The following PTPRM variants were observed in gnomAD, a reference collection of about 807,000 sequenced individuals.
PTPRM encodes receptor-type tyrosine-protein phosphatase mu.
In PTPRM, 47 loss-of-function variants were observed where a neutral mutation model predicts 186.7. The ratio of observed to expected loss-of-function variants is 0.25; its 90% confidence interval spans 0.20 to 0.32. The LOEUF is 0.32. PTPRM is among the 10% of genes least tolerant of loss of function. The probability of loss-of-function intolerance (pLI) is 1.00; values close to 1 mark genes in which losing one functional copy is unlikely to be tolerated. For missense variants in PTPRM, 1,494 were observed against 1,865.0 expected (o/e 0.80, Z 3.66); for synonymous variants, 668 against 674.9 (o/e 0.99, Z 0.16).
chr18:7,886,830 C>T (rs1016866858), intron 2 of PTPRM, among the ~76,000 whole-genome samples: 4 of 152,160 alleles, frequency 2.6e-5, no homozygotes, highest in Admixed American at 1.3e-4. Context: ...ACCTCTTAAT[C>T]GGTGAAGGAT....
chr18:7,609,220 G>A (rs1438192729), intron 1 of PTPRM, among the ~76,000 whole-genome samples: 1 of 152,098 alleles, frequency 6.6e-6, no homozygotes, highest in African/African-American at 2.4e-5. Flanking sequence ...TGAGATTTGG[G>A]TCTTCTCACA....
At chr18:7,619,331 G>A (rs1264336119) in intron 1 of PTPRM, among the ~76,000 whole-genome samples, 1 of 152,170 alleles carries the variant, frequency 6.6e-6, no homozygotes, top group Non-Finnish European at 1.5e-5. Context: ...TACAGATGAT[G>A]ACATTTTCTA....
intron 14 of PTPRM, among the ~76,000 whole-genome samples, chr18:8,172,938 A>G (rs907638869): frequency 2.6e-5 from 4 of 152,204 alleles, no homozygotes; most frequent in African/African-American, 7.2e-5. Context: ...GTATGTATGT[A>G]TATCTACTTA....
intron 19 of PTPRM, among the ~76,000 whole-genome samples, chr18:8,261,531 G>C (rs1420359198): frequency 6.6e-6 from 1 of 152,066 alleles, no homozygotes; most frequent in African/African-American, 2.4e-5. Context: ...ATAGAGAGTT[G>C]GTTTTGACAT....
At chr18:8,282,793 A>G (rs2094917837) in intron 19 of PTPRM, among the ~76,000 whole-genome samples, 1 of 152,170 alleles carries the variant, frequency 6.6e-6, no homozygotes, top group Non-Finnish European at 1.5e-5. Context: ...TATCCATAAC[A>G]GCTTTATTTG....
chr18:8,176,136 A>G (rs1438402812), intron 14 of PTPRM, among the ~76,000 whole-genome samples: 1 of 152,234 alleles, frequency 6.6e-6, no homozygotes, highest in Non-Finnish European at 1.5e-5. Flanking sequence ...TATTGTTAAT[A>G]GTTTCCTGAG....
At chr18:8,025,778 G>T (rs966019264) in intron 7 of PTPRM, among the ~76,000 whole-genome samples, 5 of 152,182 alleles carry the variant, frequency 3.3e-5, no homozygotes, top group Admixed American at 2.0e-4. Context: ...ATTTGAAGAT[G>T]GGAGGAGTGA....
intron 22 of PTPRM, among the ~76,000 whole-genome samples, chr18:8,323,357 T>C (rs1345948886): frequency 6.6e-6 from 1 of 152,112 alleles, no homozygotes; most frequent in Non-Finnish European, 1.5e-5. Context: ...TACTGCATGC[T>C]CACCCCCCAA....
chr18:8,323,170 A>G (rs1283069943), intron 22 of PTPRM, among the ~76,000 whole-genome samples: 1 of 152,146 alleles, frequency 6.6e-6, no homozygotes, highest in Non-Finnish European at 1.5e-5. Context: ...AGAGTCAGAT[A>G]ACTCAGGGAA....
chr18:8,336,033 A>G (rs1181387879), intron 22 of PTPRM, among the ~76,000 whole-genome samples: 1 of 151,882 alleles, frequency 6.6e-6, no homozygotes, highest in Non-Finnish European at 1.5e-5. Flanking sequence ...TAAAAAATAA[A>G]TAAATAAATA....
chr18:7,897,593 C>T (rs536848659), intron 3 of PTPRM, among the ~76,000 whole-genome samples: 4 of 152,272 alleles, frequency 2.6e-5, no homozygotes, highest in Admixed American at 6.5e-5. Context: ...GAACAATTTG[C>T]GTGATTGTTT....
At chr18:7,912,877 T>A (rs1414355994) in intron 4 of PTPRM, among the ~76,000 whole-genome samples, 1 of 152,124 alleles carries the variant, frequency 6.6e-6, no homozygotes, top group Non-Finnish European at 1.5e-5. Flanking sequence ...GCCAAAAAAA[T>A]TCAGCTGGGA....
rs551480971 is a variant in PTPRM, at chr18:7,663,453, G to T, written c.73+95562G>T. Reference sequence around the variant, plus strand: ...GAGCTTCAGTCAAACTTGAACAGGGGTTGGAAAAGAAACTGCAAAGTAAGT... The same window carrying T: ...GAGCTTCAGTCAAACTTGAACAGGGTTTGGAAAAGAAACTGCAAAGTAAGT... On this transcript the variant is annotated intron_variant, in intron 1 of 32. Transcript: ENST00000580170. Among the ~76,000 whole-genome samples the T allele has an allele frequency of 4.6e-5, 7 of 152,292 alleles. 1 individual carries two copies. In the South Asian group the frequency reaches 1.5e-3, roughly 32 times the overall value.
intron 14 of PTPRM, among the ~76,000 whole-genome samples, chr18:8,230,602 C>T (rs1231853142): frequency 6.6e-6 from 1 of 152,224 alleles, no homozygotes; most frequent in Non-Finnish European, 1.5e-5. Context: ...TGGCAGTTTC[C>T]TCATTGGGCT....
At chr18:7,675,937 G>A (rs990966201) in intron 1 of PTPRM, among the ~76,000 whole-genome samples, 3 of 152,046 alleles carry the variant, frequency 2.0e-5, no homozygotes, top group Admixed American at 2.0e-4. Flanking sequence ...AAGTTTCACT[G>A]TGTTGGCCAG....
intron 13 of PTPRM, among the ~76,000 whole-genome samples, chr18:8,116,187 C>A: frequency 6.6e-6 from 1 of 152,232 alleles, no homozygotes; most frequent in African/African-American, 2.4e-5. Flanking sequence ...GATTATGGTC[C>A]ATACTCAACA....
chr18:8,389,407 A>G (rs567705518), intron 31 of PTPRM, among the ~76,000 whole-genome samples: 2 of 152,370 alleles, frequency 1.3e-5, no homozygotes, highest in African/African-American at 4.8e-5. Context: ...GGCAGCTGTG[A>G]CCACAGAACT....
intron 7 of PTPRM, among the ~76,000 whole-genome samples, chr18:8,066,332 A>G (rs1301102009): frequency 6.6e-6 from 1 of 152,126 alleles, no homozygotes; most frequent in Non-Finnish European, 1.5e-5. Flanking sequence ...CCTTTATGTT[A>G]TTGTATGTAT....
chr18:7,581,377 A>T (rs1014470991), intron 1 of PTPRM, among the ~76,000 whole-genome samples: 90 of 152,314 alleles, frequency 5.9e-4, no homozygotes, highest in African/African-American at 2.0e-3. Context: ...AATAAAAATA[A>T]ATAGGTTCTG....
Sources: allele counts gnomAD v4.1 joint callset (sites outside exome capture counted in the v4.1 genomes callset), GRCh38; gene constraint gnomAD v4.1.1; transcripts MANE v1.5; gene names NCBI Gene and HGNC (gene_info 2026-07-23, HGNC 2026-07-21).